Variants in EXOC5 observed in about 807,000 individuals in gnomAD.
The protein encoded by EXOC5 is exocyst complex component 5.
In EXOC5, 17 loss-of-function variants were observed where a neutral mutation model predicts 90.8. That is an observed-to-expected ratio of 0.19 (90% confidence interval 0.13 to 0.28). EXOC5 has a LOEUF of 0.28. Among genes scored for constraint, EXOC5 ranks in the 10% least tolerant of loss-of-function variants. EXOC5 has a pLI of 1.00. For synonymous variants in EXOC5, 260 were observed against 270.0 expected (o/e 0.96, Z 0.36); for missense variants, 569 against 830.6 (o/e 0.69, Z 3.87).
At chr14:57,264,605 T>G (rs1884614831) in intron 1 of EXOC5, among the ~76,000 whole-genome samples, 1 of 152,228 alleles carries the variant, frequency 6.6e-6, no homozygotes, top group South Asian at 2.1e-4. Context: ...GTGCTATATA[T>G]ACTCCAGCCA....
At chr14:57,214,570 G>A (rs1397725660) in intron 15 of EXOC5, among the ~76,000 whole-genome samples, 1 of 152,096 alleles carries the variant, frequency 6.6e-6, no homozygotes, top group East Asian at 1.9e-4. Context: ...CAGAAGGATG[G>A]ATAAGCGGTA....
intron 3 of EXOC5, among the ~76,000 whole-genome samples, chr14:57,245,615 C>T (rs1043219077): frequency 3.3e-5 from 5 of 152,148 alleles, no homozygotes; most frequent in Non-Finnish European, 5.9e-5. Context: ...TTACTGACTT[C>T]CTTATTTCTC....
chr14:57,229,911 A>C, intron 11 of EXOC5, 30 bp from the exon 12 acceptor site: 1 of 1,316,226 alleles, frequency 7.6e-7, no homozygotes, highest in South Asian at 2.1e-5. Context: ...AATGAAAAAA[A>C]GAAAACATTT....
intron 17 of EXOC5, 118 bp from the exon 18 acceptor site, chr14:57,208,915 A>G: frequency 1.0e-5 from 6 of 592,802 alleles, no homozygotes; most frequent in Non-Finnish European, 1.8e-5. Context: ...GAAGTTCAAC[A>G]TATTAGAATT....
At position 57,234,041 on chromosome 14, in the gene EXOC5, A is replaced by C; in HGVS notation, c.670-9T>G. ...ACACAATGGGAATAACCCTACAAGG[A>C]AGAAACACATTGTTATTATTCTGAT... On this transcript the variant is annotated splice_polypyrimidine_tract_variant and intron_variant, in intron 7 of 17. Coordinates refer to ENST00000621441, the MANE Select transcript of EXOC5 (RefSeq NM_006544.4). The C allele has an allele frequency of 6.4e-7, 1 of 1,564,224 alleles. No homozygotes were observed. Among genetic ancestry groups the C allele is most frequent in the Non-Finnish European group, 8.8e-7 (1 of 1,136,266 alleles).
chr14:57,268,351 C>A, intron 1 of EXOC5: 3 of 826,580 alleles, frequency 3.6e-6, no homozygotes, highest in Non-Finnish European at 5.4e-6. Flanking sequence ...TCCCTCTTGC[C>A]CCCACAAACA....
intron 15 of EXOC5, among the ~76,000 whole-genome samples, chr14:57,216,807 C>T (rs531269723): frequency 6.6e-6 from 1 of 152,220 alleles, no homozygotes; most frequent in South Asian, 2.1e-4. Flanking sequence ...AACTAAAGAG[C>T]TTCCGCACAG....
intron 13 of EXOC5, among the ~76,000 whole-genome samples, chr14:57,221,325 C>A (rs550739712): frequency 6.6e-6 from 1 of 152,202 alleles, no homozygotes; most frequent in South Asian, 2.1e-4. Flanking sequence ...CATACCAGGC[C>A]AGATAAAAAG....
In EXOC5 at chr14:57,222,217, G is replaced by A. The variant is rs1594653997; in HGVS notation, c.1405+91C>T. 2.3e-5 allele frequency: 14 copies of A among 606,922 alleles called. 1 individual carries two copies. Among genetic ancestry groups the A allele is most frequent in the Middle Eastern group, 4.6e-4 (1 of 2,158 alleles). The allele number at this position is 606,922 out of a possible 1,614,324, so 37.6% of individuals were successfully genotyped here. A position where few individuals can be genotyped will look rare whatever the true frequency, so the allele number is the denominator to read the frequency against. ...TGCACCGAACTGAATTTGAGACACA[G>A]AGATGATTATAAGCAAAACAACATT... On this transcript the variant is annotated intron_variant, in intron 13 of 17. Transcript: ENST00000621441.
rs1252188898 is a variant in EXOC5, at chr14:57,211,980, C to A, written c.1614-1919G>T. On this transcript the variant is annotated intron_variant, in intron 15 of 17. Coordinates refer to ENST00000621441, the MANE Select transcript of EXOC5 (RefSeq NM_006544.4). ...GCTCAAGTGATCCACCTACCTCAGC[C>A]TCCTGAGTAGCTGGGACTACAGGCA... 2.0e-5 allele frequency among the ~76,000 whole-genome samples: 3 copies of A among 152,186 alleles called. No individual in the cohort carries two copies. The East Asian group carries it at 5.8e-4, about 29-fold the overall frequency.
In EXOC5 at chr14:57,207,098, G is replaced by A. The variant is rs1594642452; in HGVS notation, c.*1511C>T. On this transcript the variant is annotated 3_prime_UTR_variant, in exon 18 of 18. Coordinates refer to ENST00000621441, the MANE Select transcript of EXOC5 (RefSeq NM_006544.4). ...GTCCTAAAATGCTCTGAAAGAAGTT[G>A]GTATACTTCATTCCCCAGCTTACCT... The A allele has an allele frequency of 6.6e-6, 1 of 152,304 alleles. No individual in the cohort carries two copies. Among genetic ancestry groups the A allele is most frequent in the Non-Finnish European group, 1.5e-5 (1 of 67,900 alleles). The allele number at this position is 152,304 out of a possible 1,614,324, so 9.4% of individuals were successfully genotyped here. A position where few individuals can be genotyped will look rare whatever the true frequency, so the allele number is the denominator to read the frequency against.
chr14:57,250,540 T>C (rs1314584674), intron 1 of EXOC5, among the ~76,000 whole-genome samples: 1 of 152,198 alleles, frequency 6.6e-6, no homozygotes, highest in Non-Finnish European at 1.5e-5. Flanking sequence ...TAGTTGGCAC[T>C]GGCACCTGAT....
chr14:57,219,837 C>A (rs2139618955), intron 13 of EXOC5, among the ~76,000 whole-genome samples: 1 of 152,130 alleles, frequency 6.6e-6, no homozygotes, highest in Non-Finnish European at 1.5e-5. Context: ...TAAACTGACA[C>A]ATTTCACTTA....
At chr14:57,261,894 T>G (rs1485279726) in intron 1 of EXOC5, among the ~76,000 whole-genome samples, 2 of 150,826 alleles carry the variant, frequency 1.3e-5, no homozygotes, top group African/African-American at 2.5e-5. Context: ...ATAGCATCAC[T>G]TCTATAGTCA....
rs1307423087 is a variant in EXOC5, at chr14:57,200,719, CCCT to C, written c.*7887_*7889del. On this transcript the variant is annotated 3_prime_UTR_variant, in exon 18 of 18. Coordinates refer to ENST00000621441, the MANE Select transcript of EXOC5 (RefSeq NM_006544.4). ...TGTGTCTTGGGCATAACACTTTACC[CCCT>C]CCTCAATTCAGCTTTACTAATTTGC... 3 of 150,162 alleles carry C rather than the reference CCCT, an allele frequency of 2.0e-5. No individual in the cohort carries two copies. The highest frequency in any genetic ancestry group is 4.4e-5 in the Non-Finnish European group (3 of 67,648). 9.3% of individuals were successfully genotyped at this position (150,162 alleles called of 1,614,324 possible).
At position 57,235,705 on chromosome 14, in the gene EXOC5, ATT is replaced by A. The variant is rs2139641173; in HGVS notation, c.669+4_669+5del. On this transcript the variant is annotated splice_donor_5th_base_variant and intron_variant, in intron 7 of 17. Transcript: ENST00000621441. ...ACACTATTCATTTTTAATTCCTACT[ATT>A]TACCTTAAAATGAAGTAAAACTGCT... 1.4e-6 allele frequency: 2 copies of A among 1,406,348 alleles called. No individual in the cohort carries two copies. Among genetic ancestry groups the A allele is most frequent in the Middle Eastern group, 2.3e-4 (1 of 4,408 alleles). The allele number at this position is 1,406,348 out of a possible 1,614,324, so 87.1% of individuals were successfully genotyped here.
intron 12 of EXOC5, among the ~76,000 whole-genome samples, chr14:57,229,285 G>A (rs1802219782): frequency 6.6e-6 from 1 of 152,026 alleles, no homozygotes; most frequent in South Asian, 2.1e-4. Context: ...TTCCTAATCA[G>A]AGTAAATTTA....
chr14:57,239,396 G>A (rs1413917209), intron 5 of EXOC5, 199 bp downstream of exon 5: 4 of 414,088 alleles, frequency 9.7e-6, no homozygotes, highest in African/African-American at 4.2e-5. Context: ...TAGATATTAA[G>A]AAGAGACTGT....
chr14:57,258,786 A>G (rs544825463), intron 1 of EXOC5, among the ~76,000 whole-genome samples: 2 of 152,304 alleles, frequency 1.3e-5, no homozygotes, highest in African/African-American at 4.8e-5. Flanking sequence ...TCCTTGACAC[A>G]AATTCAATTT....
Sources: gnomAD v4.1 joint callset for allele counts (sites outside exome capture counted in the v4.1 genomes callset) on GRCh38, gnomAD v4.1.1 for gene constraint, MANE v1.5 for transcripts, NCBI Gene and HGNC (gene_info 2026-07-23, HGNC 2026-07-21) for gene names.